PPARGC1A: variants seen among roughly 807,000 people sequenced by gnomAD.
The protein encoded by PPARGC1A is PPARG coactivator 1 alpha, also known as peroxisome proliferator-activated receptor gamma coactivator 1-alpha.
PPARGC1A carries 25 observed loss-of-function variants against 88.7 expected under a neutral mutation model. The observed-to-expected ratio is 0.28, with a 90% CI of 0.21 to 0.39. PPARGC1A has a LOEUF of 0.39. PPARGC1A is among the 10% of genes least tolerant of loss of function. The pLI is 1.00. For missense variants in PPARGC1A, 880 were observed against 968.7 expected, an observed-to-expected ratio of 0.91 and a Z score of 1.22; for synonymous variants, 363 against 355.6, an observed-to-expected ratio of 1.02 and a Z score of -0.24.
At chr4:24,299,108 A>G in the PPARGC1A span, among the ~76,000 whole-genome samples, 3 of 152,270 alleles carry the variant, frequency 2.0e-5, no homozygotes, top group South Asian at 6.2e-4. Context: ...CAATGCACAA[A>G]TACTGCCAAA....
intron 11 of PPARGC1A, 39 bp downstream of exon 11, chr4:23,802,185 G>T (rs774381376): frequency 1.2e-6 from 2 of 1,613,096 alleles, no homozygotes; most frequent in Non-Finnish European, 1.7e-6. Flanking sequence ...TTTTACATAC[G>T]TCAGCTTCTA....
the PPARGC1A span, among the ~76,000 whole-genome samples, chr4:24,439,110 G>T: frequency 6.6e-6 from 1 of 151,962 alleles, no homozygotes; most frequent in Non-Finnish European, 1.5e-5. Flanking sequence ...CTGGGTAAAC[G>T]TTCTGCAGTT....
the PPARGC1A span, among the ~76,000 whole-genome samples, chr4:24,321,920 T>C: frequency 6.6e-6 from 1 of 152,108 alleles, no homozygotes; most frequent in Admixed American, 6.5e-5. Flanking sequence ...AAAAAAGAAA[T>C]AATCGGCCTC....
chr4:23,801,956 T>C, intron 11 of PPARGC1A, 75 bp from the exon 12 acceptor site: 1 of 1,555,004 alleles, frequency 6.4e-7, no homozygotes, highest in South Asian at 1.2e-5. Flanking sequence ...TTCTACTTTG[T>C]GAGACTTCTC....
At chr4:24,394,540 A>G in the PPARGC1A span, among the ~76,000 whole-genome samples, 1 of 152,232 alleles carries the variant, frequency 6.6e-6, no homozygotes, top group Non-Finnish European at 1.5e-5. Context: ...AGAGAAGAAA[A>G]GCTAAGAGAT....
chr4:24,092,011 G>T, the PPARGC1A span, among the ~76,000 whole-genome samples: 1 of 151,948 alleles, frequency 6.6e-6, no homozygotes, highest in Non-Finnish European at 1.5e-5. Flanking sequence ...CAGTGGGCTG[G>T]TGTATCCTAG....
At chr4:23,946,120 C>G in the PPARGC1A span, among the ~76,000 whole-genome samples, 1 of 152,158 alleles carries the variant, frequency 6.6e-6, no homozygotes, top group Non-Finnish European at 1.5e-5. Context: ...GGGAATGAAT[C>G]TCACTTCATT....
chr4:24,076,401 A>T, the PPARGC1A span, among the ~76,000 whole-genome samples: 3 of 152,276 alleles, frequency 2.0e-5, no homozygotes, highest in South Asian at 6.2e-4. Context: ...GCCTATTCTT[A>T]GCATATTTTT....
chr4:23,872,745 C>CCT lies in PPARGC1A; in HGVS notation c.234+12006_234+12007insAG, dbSNP rs1713678790. ...ACTGTATCCCCCTAAAATGGCCAGA[C>CCT]ACTAAGCATGCTAATGGATGACAAT... On this transcript the variant is annotated intron_variant, in intron 2 of 12. Coordinates refer to ENST00000264867, the MANE Select transcript of PPARGC1A (RefSeq NM_013261.5). 9.9e-5 allele frequency among the ~76,000 whole-genome samples: 15 copies of CCT among 152,274 alleles called. No individual in the cohort carries two copies. In the South Asian group the frequency reaches 1.7e-3, roughly 17 times the overall value.
the PPARGC1A span, among the ~76,000 whole-genome samples, chr4:24,056,791 C>T: frequency 3.3e-5 from 5 of 152,130 alleles, no homozygotes; most frequent in South Asian, 4.1e-4. Context: ...AACAAAAAAC[C>T]TGAAAATGAT....
the PPARGC1A span, among the ~76,000 whole-genome samples, chr4:24,302,047 C>A: frequency 6.6e-6 from 1 of 152,116 alleles, no homozygotes; most frequent in Non-Finnish European, 1.5e-5. Flanking sequence ...TCGTTTCCCC[C>A]CAAGTTGTTC....
the PPARGC1A span, among the ~76,000 whole-genome samples, chr4:24,121,376 C>T: frequency 2.0e-5 from 3 of 152,308 alleles, no homozygotes; most frequent in South Asian, 2.1e-4. Flanking sequence ...GGGTCACGCT[C>T]ACTAGGGTCT....
the PPARGC1A span, among the ~76,000 whole-genome samples, chr4:23,990,460 C>G: frequency 6.6e-6 from 1 of 151,996 alleles, no homozygotes; most frequent in Admixed American, 6.6e-5. Flanking sequence ...AGATTGTGTT[C>G]TTACAGTAAT....
intron 2 of PPARGC1A, 93 bp from the exon 3 acceptor site, chr4:23,831,844 A>T: frequency 1.0e-6 from 1 of 999,688 alleles, no homozygotes; most frequent in East Asian, 2.4e-5. Context: ...AGTGAACCAT[A>T]CGTGAAATCT....
chr4:24,445,101 C>G, the PPARGC1A span, among the ~76,000 whole-genome samples: 48 of 152,132 alleles, frequency 3.2e-4, no homozygotes, highest in African/African-American at 1.2e-3. Context: ...ACTTGAGCAT[C>G]CCTACACTGA....
At chr4:24,134,434 T>C in the PPARGC1A span, among the ~76,000 whole-genome samples, 1 of 152,258 alleles carries the variant, frequency 6.6e-6, no homozygotes, top group Non-Finnish European at 1.5e-5. Flanking sequence ...TTCATTTTGA[T>C]TGCTGCCTTT....
intron 12 of PPARGC1A, among the ~76,000 whole-genome samples, chr4:23,796,683 C>A (rs781557563): frequency 2.1e-4 from 32 of 151,986 alleles, no homozygotes; most frequent in Non-Finnish European, 3.4e-4. Context: ...GTTAAATATT[C>A]CTGGTTTTTC....
chr4:23,808,385 C>G (rs1306276126), intron 10 of PPARGC1A, among the ~76,000 whole-genome samples: 1 of 152,032 alleles, frequency 6.6e-6, no homozygotes, highest in Non-Finnish European at 1.5e-5. Flanking sequence ...AGTGAAGCAG[C>G]AGTCATTGCC....
At chr4:24,071,213 T>G in the PPARGC1A span, among the ~76,000 whole-genome samples, 2 of 152,060 alleles carry the variant, frequency 1.3e-5, no homozygotes, top group African/African-American at 4.8e-5. Context: ...CACACCCACA[T>G]GCATGCACAA....
Sources: allele counts gnomAD v4.1 joint callset (sites outside exome capture counted in the v4.1 genomes callset), GRCh38; gene constraint gnomAD v4.1.1; transcripts MANE v1.5; gene names NCBI Gene and HGNC (gene_info 2026-07-23, HGNC 2026-07-21).